RCE1: variants seen among roughly 807,000 people sequenced by gnomAD.
The protein encoded by RCE1 is Ras converting CAAX endopeptidase 1.
A neutral mutation model predicts 35.0 loss-of-function variants in RCE1; 15 were observed. The observed-to-expected ratio is 0.43, with a 90% CI of 0.29 to 0.66. The LOEUF (loss-of-function observed/expected upper bound fraction) is 0.66, where lower values mean the gene tolerates loss of function less well. RCE1 is among the 30% of genes least tolerant of loss of function. The pLI is 0.17. For missense variants in RCE1, 434 were observed against 433.0 expected, an observed-to-expected ratio of 1.00 and a Z score of -0.02; for synonymous variants, 261 against 192.7, an observed-to-expected ratio of 1.35 and a Z score of -2.94.
Position 66,844,053 on chromosome 11 carries a change from C to A in RCE1, c.372+14C>A. The A allele has an allele frequency of 6.2e-7, 1 of 1,614,024 alleles. No individual in the cohort carries two copies. The highest frequency in any genetic ancestry group is 8.5e-7 in the Non-Finnish European group (1 of 1,180,004). ...TTGCTGACCATGGTGAGTGCTCCTG[C>A]TGTATTTTTTCTTCTGGTCTTTGTT... On this transcript the variant is annotated intron_variant, in intron 3 of 7. Coordinates refer to ENST00000309657, the MANE Select transcript of RCE1 (RefSeq NM_005133.3).
At chr11:66,843,688 T>G in intron 1 of RCE1, 48 bp downstream of exon 1, 2 of 1,603,364 alleles carry the variant, frequency 1.2e-6, no homozygotes, top group Non-Finnish European at 1.7e-6. Context: ...GGGCGGAGCT[T>G]GGGCGAGCCG....
chr11:66,843,638 C>T lies in RCE1; in HGVS notation c.183C>T (p.Pro61=). 6.2e-7 allele frequency: 1 copy of T among 1,603,394 alleles called. No individual in the cohort carries two copies. The highest frequency in any genetic ancestry group is 8.5e-7 in the Non-Finnish European group (1 of 1,177,216). The stretch of plus-strand genomic sequence containing the variant: ...TCTACGTCTGGAAGAGCGAACTGCC[C>T]AGGTGCGGGGGCTGCGCGCGACCGG... ...GSLYVWKSEL[P]RDHPAVIKRR... Residue 61 remains proline, a splice_region_variant and synonymous_variant, in exon 1 of 8, where the codon CCC becomes CCT. Transcript: ENST00000309657.
chr11:66,843,663 G>A (rs765416082), intron 1 of RCE1, 23 bp downstream of exon 1: 3 of 1,602,966 alleles, frequency 1.9e-6, no homozygotes, highest in Middle Eastern at 1.7e-4. Context: ...CGCGCGACCG[G>A]AATCCGCGCC....
rs748528358 is a variant in RCE1, at chr11:66,844,887, G to C, written c.470G>C (p.Arg157Pro). 1.3e-6 allele frequency: 2 copies of C among 1,549,266 alleles called. No homozygotes were observed. The highest frequency in any genetic ancestry group is 1.7e-6 in the Non-Finnish European group (2 of 1,149,420). ...KVVLAPRSWA[R>P]CLTDMRWLRN... Reference sequence around the variant, plus strand: ...TCTGCAGCCCCCCGCTCCTGGGCCCGCTGCCTCACAGACATGCGTTGGCTG... The same window carrying C: ...TCTGCAGCCCCCCGCTCCTGGGCCCCCTGCCTCACAGACATGCGTTGGCTG... The change falls in exon 5 of 8, where the codon CGC becomes CCC. Residue 157 changes from arginine to proline, a missense_variant. Physicochemically the swap from Arg to Pro is moderately radical, Grantham distance 103 (BLOSUM62 -2). Coordinates refer to ENST00000309657, the MANE Select transcript of RCE1 (RefSeq NM_005133.3).
intron 4 of RCE1, 33 bp downstream of exon 4, chr11:66,844,397 ACAGGCAGTC>A: frequency 6.2e-7 from 1 of 1,613,474 alleles, no homozygotes; most frequent in South Asian, 1.1e-5. Context: ...AAAAGTAGGC[ACAGGCAGTC>A]CAGGACATTG....
Position 66,846,076 on chromosome 11 carries a change from A to G in RCE1, c.971A>G (p.Glu324Gly). ...CVLLERAGDS[E>G]APLCS ...CTTTTGGAGCGGGCAGGGGACTCAG[A>G]GGCTCCCCTGTGCTCCTGACCTATG... is the stretch of plus-strand genomic sequence containing the variant. Residue 324 changes from glutamate (E) to glycine (G), a missense_variant, in exon 8 of 8, where the codon GAG becomes GGG. Transcript: ENST00000309657. 1 of 1,610,946 alleles carries G rather than the reference A, an allele frequency of 6.2e-7. No individual in the cohort carries two copies. Among genetic ancestry groups the G allele is most frequent in the South Asian group, 1.1e-5 (1 of 90,920 alleles).
At position 66,844,995 on chromosome 11, in the gene RCE1, T is replaced by C; in HGVS notation, c.578T>C (p.Leu193Pro). 1 of 1,600,746 alleles carries C rather than the reference T, an allele frequency of 6.2e-7. No individual in the cohort carries two copies. ...CCCATGTTAGCACCGTGCATGGGCC[T>C]GGGCCCTGCTGTGTTCACCTGCCCG... is the stretch of plus-strand genomic sequence containing the variant. ...MLPMLAPCMGLGPAVFTCPLF... is the reference protein window; with the variant it reads ...MLPMLAPCMGPGPAVFTCPLF... The change falls in exon 5 of 8, where the codon CTG becomes CCG. Residue 193 changes from leucine to proline, a missense_variant. Coordinates refer to ENST00000309657, the MANE Select transcript of RCE1 (RefSeq NM_005133.3).
At position 66,845,245 on chromosome 11, in the gene RCE1, C is replaced by T; in HGVS notation, c.691+8C>T. 1 of 1,614,164 alleles carries T rather than the reference C, an allele frequency of 6.2e-7. No individual in the cohort carries two copies. The highest frequency in any genetic ancestry group is 1.7e-4 in the Middle Eastern group (1 of 6,056). On this transcript the variant is annotated splice_region_variant and intron_variant, in intron 6 of 7. Transcript: ENST00000309657. ...ACATCTTCTTGTCTGCTGGTGAGTC[C>T]TGGCTAGCTGGCCTGGGTTAGGGTG... is the stretch of plus-strand genomic sequence containing the variant.
chr11:66,843,674 C>T, intron 1 of RCE1, 34 bp downstream of exon 1: 1 of 1,602,490 alleles, frequency 6.2e-7, no homozygotes, highest in Non-Finnish European at 8.5e-7. Flanking sequence ...AATCCGCGCC[C>T]TGCGGGCGGA....
Position 66,845,937 on chromosome 11 carries a change from C to T in RCE1, c.832C>T (p.His278Tyr). ...GFPAVCAALE[H>Y]PQRRPLLAGY... ...CCCAGCTGTTTGCGCGGCCTTGGAG[C>T]ACCCACAGAGGCGGCCCCTGCTGGC... is the stretch of plus-strand genomic sequence containing the variant. Residue 278 changes from histidine to tyrosine, a missense_variant, in exon 8 of 8, where the codon CAC becomes TAC. Transcript: ENST00000309657. 6.2e-7 allele frequency: 1 copy of T among 1,613,784 alleles called. No individual in the cohort carries two copies. Among genetic ancestry groups the T allele is most frequent in the Non-Finnish European group, 8.5e-7 (1 of 1,180,042 alleles).
In RCE1 at chr11:66,844,528, G is replaced by A. The variant is rs201179809; in HGVS notation, c.451+164G>A. Among the ~76,000 whole-genome samples the A allele has an allele frequency of 3.9e-5, 6 of 152,304 alleles. No individual in the cohort carries two copies. The East Asian group carries it at 9.6e-4, about 24-fold the overall frequency. On this transcript the variant is annotated intron_variant, in intron 4 of 7. Transcript: ENST00000309657. ...ACATAGAGCTAGGTGGCCTCTAAGG[G>A]TTGATTGCCAACGTCCAAGGAGTTC...
chr11:66,845,857 C>T lies in RCE1; in HGVS notation c.755-3C>T. 2 of 1,612,300 alleles carry T rather than the reference C, an allele frequency of 1.2e-6. No individual in the cohort carries two copies. The highest frequency in any genetic ancestry group is 1.1e-5 in the South Asian group (1 of 90,952). ...TCCCTGAGCTGCTGTCTCTTTTCCC[C>T]AGGACACCTGATTGGGCCGGTTCTC... On this transcript the variant is annotated splice_region_variant and splice_polypyrimidine_tract_variant and intron_variant, in intron 7 of 7. Coordinates refer to ENST00000309657, the MANE Select transcript of RCE1 (RefSeq NM_005133.3).
At chr11:66,845,657 T>A (rs1325786515) in intron 7 of RCE1, 95 bp downstream of exon 7, 23 of 1,585,862 alleles carry the variant, frequency 1.5e-5, no homozygotes, top group Non-Finnish European at 1.9e-5. Context: ...GTTCTTCTAC[T>A]CCAGTCCTTG....
chr11:66,843,968 C>T lies in RCE1; in HGVS notation c.301C>T (p.Leu101=), dbSNP rs761514738. 5 of 1,614,044 alleles carry T rather than the reference C, an allele frequency of 3.1e-6. No individual in the cohort carries two copies. Among genetic ancestry groups the T allele is most frequent in the African/African-American group, 2.7e-5 (2 of 74,926 alleles). Residue 101 remains leucine (L), a synonymous_variant, in exon 3 of 8, where the codon CTG becomes TTG. Transcript: ENST00000309657. ...ELTGIQPGTS[L]LTLMGFRLEG... ...TCCTGTGGCTCAGCCAGGCACATCC[C>T]TGCTCACCCTGATGGGCTTCAGGCT...
chr11:66,845,430 C>A, intron 6 of RCE1, 70 bp from the exon 7 acceptor site: 1 of 1,611,286 alleles, frequency 6.2e-7, no homozygotes, highest in Non-Finnish European at 8.5e-7. Flanking sequence ...CGGTCTTTGG[C>A]TGATGGGTAT....
chr11:66,845,707 A>C, intron 7 of RCE1, 145 bp downstream of exon 7: 1 of 1,475,648 alleles, frequency 6.8e-7, no homozygotes. Flanking sequence ...GTGAGGTCTG[A>C]GAGGTGGAAA....
Position 66,844,056 on chromosome 11 carries a change from T to C in RCE1, c.372+17T>C, listed in dbSNP as rs192484300. 1.2e-6 allele frequency: 2 copies of C among 1,613,928 alleles called. No homozygotes were observed. The highest frequency in any genetic ancestry group is 1.3e-5 in the African/African-American group (1 of 74,938). On this transcript the variant is annotated intron_variant, in intron 3 of 7. Coordinates refer to ENST00000309657, the MANE Select transcript of RCE1 (RefSeq NM_005133.3). ...CTGACCATGGTGAGTGCTCCTGCTG[T>C]ATTTTTTCTTCTGGTCTTTGTTATC...
In RCE1 at chr11:66,845,876, G is replaced by A. The variant is rs758573803; in HGVS notation, c.771G>A (p.Pro257=). The A allele has an allele frequency of 1.1e-5, 18 of 1,613,324 alleles. No homozygotes were observed. Among genetic ancestry groups the A allele is most frequent in the Admixed American group, 5.0e-5 (3 of 59,996 alleles). Residue 257 remains proline, a synonymous_variant, in exon 8 of 8, where the codon CCG becomes CCA. Coordinates refer to ENST00000309657, the MANE Select transcript of RCE1 (RefSeq NM_005133.3). ...TTTCCCCAGGACACCTGATTGGGCC[G>A]GTTCTCTGCCATTCCTTCTGCAATT... ...LFIRTGHLIG[P]VLCHSFCNYM... is the part of the protein sequence containing the mutation.
rs759259178 is a variant in RCE1, at chr11:66,843,816, C to G, written c.243C>G (p.Leu81=). 6.2e-7 allele frequency: 1 copy of G among 1,614,066 alleles called. No homozygotes were observed. ...CCAGCGTCCTGGTGGTGTCCAGTCT[C>G]TCACCCCTGTGCGTGCTGCTCTGGA... The part of the protein sequence containing the change: ...RFTSVLVVSS[L]SPLCVLLWRE... Residue 81 remains leucine (L), a synonymous_variant, in exon 2 of 8, where the codon CTC becomes CTG. Coordinates refer to ENST00000309657, the MANE Select transcript of RCE1 (RefSeq NM_005133.3).
Sources: allele counts gnomAD v4.1 joint callset (sites outside exome capture counted in the v4.1 genomes callset), GRCh38; gene constraint gnomAD v4.1.1; transcripts MANE v1.5; gene names NCBI Gene and HGNC (gene_info 2026-07-23, HGNC 2026-07-21).